The following SLC12A7 variants were observed in gnomAD, a reference collection of about 807,000 sequenced individuals.
SLC12A7 encodes the protein K-Cl cotransporter 4.
A neutral mutation model predicts 120.6 loss-of-function variants in SLC12A7; 100 were observed. That is an observed-to-expected ratio of 0.83 (90% CI 0.71 to 0.98). The LOEUF (loss-of-function observed/expected upper bound fraction) is 0.98, where lower values mean the gene tolerates loss of function less well. Ranked by LOEUF, SLC12A7 falls within the 50% of genes least tolerant of loss-of-function variation. The pLI is 0.00. For missense variants in SLC12A7, 1,373 were observed against 1,548.1 expected, an observed-to-expected ratio of 0.89 and a Z score of 1.90; for synonymous variants, 760 against 678.0, an observed-to-expected ratio of 1.12 and a Z score of -1.88.
rs761980559 is a variant in SLC12A7 at position 1,074,352 on chromosome 5, A to AG, written c.2072+214dup. Among the ~76,000 whole-genome samples, 246 of 152,218 alleles carry AG rather than the reference A, an allele frequency of 1.6e-3. 1 individual carries two copies. The highest frequency in any genetic ancestry group is 3.4e-3 in the Middle Eastern group (1 of 294). On this transcript the variant is annotated intron_variant, in intron 16 of 23. Transcript: ENST00000264930. ...CCCAAGCCCAGGGCTGTGCTGGCAG[A>AG]GGGGCCGGCTCCCCACACCCCCACC...
At chr5:1,061,642 G>GC (rs1170134056) in intron 20 of SLC12A7, among the ~76,000 whole-genome samples, 2 of 152,202 alleles carry the variant, frequency 1.3e-5, no homozygotes, top group African/African-American at 4.8e-5. Flanking sequence ...TGCCTGTTAA[G>GC]CACCAGTATT....
intron 20 of SLC12A7, among the ~76,000 whole-genome samples, chr5:1,061,521 C>T (rs62331168): frequency 0.087 from 4,114 of 47,038 alleles, 174 homozygotes; most frequent in Non-Finnish European, 0.12. Flanking sequence ...GCACCCGCCG[C>T]ACCTGCCGCA....
At chr5:1,095,863 C>T (rs778218313) in intron 1 of SLC12A7, among the ~76,000 whole-genome samples, 2 of 152,234 alleles carry the variant, frequency 1.3e-5, no homozygotes, top group Non-Finnish European at 2.9e-5. Flanking sequence ...GGGCGGAAAG[C>T]ACAGCCTTCA....
Position 1,093,554 on chromosome 5 carries a change from C to A in SLC12A7, c.321G>T (p.Glu107Asp). ...GTACCTTGGCCTCCCGCCGCCGGCT[C>A]TCCTCGTCCTCCTCGTGCTCCACCA... ...QGVVEHEEDE[E>D]SRRREAKAPR... The change falls in exon 3 of 24, where the codon GAG becomes GAT. Residue 107 changes from glutamate to aspartate, a missense_variant. Glu to Asp is a conservative substitution (Grantham distance 45). Transcript: ENST00000264930. The A allele has an allele frequency of 6.2e-7, 1 of 1,600,324 alleles. No homozygotes were observed. The highest frequency in any genetic ancestry group is 8.5e-7 in the Non-Finnish European group (1 of 1,174,478).
At chr5:1,061,886 C>G (rs1289711367) in intron 20 of SLC12A7, among the ~76,000 whole-genome samples, 1 of 152,120 alleles carries the variant, frequency 6.6e-6, no homozygotes, top group Admixed American at 6.5e-5. Context: ...TGCCTGAACC[C>G]AGGAGGTGGA....
intron 20 of SLC12A7, 56 bp from the exon 21 acceptor site, chr5:1,060,507 C>G: frequency 7.4e-7 from 1 of 1,347,412 alleles, no homozygotes; most frequent in East Asian, 2.3e-5. Context: ...ACGGATGGCT[C>G]CAACACCAGC....
chr5:1,064,352 C>T (rs923685769), intron 18 of SLC12A7, 100 bp from the exon 19 acceptor site: 45 of 1,377,302 alleles, frequency 3.3e-5, no homozygotes, highest in African/African-American at 2.8e-4. Context: ...CACGGCGAGG[C>T]GAGGGGGGTC....
chr5:1,079,329 C>A, intron 10 of SLC12A7, 69 bp downstream of exon 10: 2 of 1,228,288 alleles, frequency 1.6e-6, no homozygotes, highest in South Asian at 1.2e-5. Flanking sequence ...TGATGCTGAG[C>A]CGGGGAGGGC....
the SLC12A7 span, among the ~76,000 whole-genome samples, chr5:1,140,579 T>C: frequency 1.3e-5 from 2 of 152,258 alleles, no homozygotes; most frequent in African/African-American, 4.8e-5. Flanking sequence ...GAGATGGGGT[T>C]CAGGACGGTG....
At chr5:1,119,425 C>T in the SLC12A7 span, among the ~76,000 whole-genome samples, 4 of 152,326 alleles carry the variant, frequency 2.6e-5, no homozygotes, top group Admixed American at 1.3e-4. Context: ...TCCCAGGGGA[C>T]GCCGCAGGCA....
the SLC12A7 span, among the ~76,000 whole-genome samples, chr5:1,130,954 G>A: frequency 1.3e-5 from 2 of 152,280 alleles, no homozygotes; most frequent in East Asian, 3.9e-4. Context: ...ACCTCACGTC[G>A]GAGGGTGGTC....
rs1561043122 is a variant in SLC12A7 at position 1,064,821 on chromosome 5, A to AACGGCGAGGGGACGGCGAAGCG, written c.2437+440_2437+461dup. On this transcript the variant is annotated intron_variant, in intron 18 of 23. Coordinates refer to ENST00000264930, the MANE Select transcript of SLC12A7 (RefSeq NM_006598.3). ...GGAGACGGCGAGGGGACAGTGAGGG[A>AACGGCGAGGGGACGGCGAAGCG]ACGGCGAGGGGACGGCGAAGCGACG... Among the ~76,000 whole-genome samples the AACGGCGAGGGGACGGCGAAGCG allele has an allele frequency of 8.0e-3, 207 of 26,016 alleles. 1 individual carries two copies. Among genetic ancestry groups the AACGGCGAGGGGACGGCGAAGCG allele is most frequent in the African/African-American group, 0.03 (192 of 6,308 alleles). 17.1% of individuals were successfully genotyped at this position (26,016 alleles called of 152,430 possible).
At chr5:1,055,323 G>A (rs956995049) in intron 22 of SLC12A7, among the ~76,000 whole-genome samples, 5 of 152,220 alleles carry the variant, frequency 3.3e-5, no homozygotes, top group African/African-American at 4.8e-5. Context: ...GTACGTGGAC[G>A]TGCACACAGG....
At chr5:1,114,563 T>C (rs1393677006), upstream of SLC12A7, among the ~76,000 whole-genome samples, 1 of 152,138 alleles carries the variant, frequency 6.6e-6, no homozygotes, top group Non-Finnish European at 1.5e-5. Flanking sequence ...CTTTCAGTGC[T>C]CTCTTCCTAC....
At chr5:1,118,452 C>T in the SLC12A7 span, among the ~76,000 whole-genome samples, 1 of 152,218 alleles carries the variant, frequency 6.6e-6, no homozygotes, top group African/African-American at 2.4e-5. Flanking sequence ...CCATCCAGAC[C>T]CGGCAGAAGA....
chr5:1,131,749 C>G, the SLC12A7 span, among the ~76,000 whole-genome samples: 1 of 152,234 alleles, frequency 6.6e-6, no homozygotes, highest in Non-Finnish European at 1.5e-5. Flanking sequence ...TTCCCAGATC[C>G]TCGTCCAGGA....
intron 16 of SLC12A7, 97 bp downstream of exon 16, chr5:1,074,470 G>C: frequency 1.8e-6 from 2 of 1,137,490 alleles, no homozygotes; most frequent in Non-Finnish European, 1.3e-6. Flanking sequence ...GGCTGAAGGT[G>C]AGAGGCCCCT....
chr5:1,113,094 T>G (rs1743165688), upstream of SLC12A7, among the ~76,000 whole-genome samples: 1 of 152,032 alleles, frequency 6.6e-6, no homozygotes, highest in Non-Finnish European at 1.5e-5. Flanking sequence ...AACAAATGAC[T>G]CATGAAAAAC....
chr5:1,134,718 C>T, the SLC12A7 span, among the ~76,000 whole-genome samples: 2 of 152,118 alleles, frequency 1.3e-5, no homozygotes, highest in African/African-American at 2.4e-5. Flanking sequence ...TTTGCACACC[C>T]GTGATTAGAG....
Sources: allele counts gnomAD v4.1 joint callset (sites outside exome capture counted in the v4.1 genomes callset), GRCh38; gene constraint gnomAD v4.1.1; transcripts MANE v1.5; gene names NCBI Gene and HGNC (gene_info 2026-07-23, HGNC 2026-07-21).